The following PTPRN2 variants were observed in gnomAD, a reference collection of about 807,000 sequenced individuals.
PTPRN2 encodes the protein receptor-type tyrosine-protein phosphatase N2.
Under a neutral mutation model 118.8 loss-of-function variants are expected in PTPRN2, and 74 were observed. The observed-to-expected ratio is 0.62, with a 90% confidence interval of 0.52 to 0.76. PTPRN2 has a LOEUF of 0.76. Ranked by LOEUF, PTPRN2 falls within the 30% of genes least tolerant of loss-of-function variation. PTPRN2 has a pLI of 0.00. For synonymous variants in PTPRN2, 641 were observed against 608.0 expected (o/e 1.05, Z -0.80); for missense variants, 1,481 against 1,394.4 (o/e 1.06, Z -0.99).
intron 3 of PTPRN2, among the ~76,000 whole-genome samples, chr7:158,305,466 G>A (rs1031009496): frequency 2.0e-5 from 3 of 152,150 alleles, no homozygotes; most frequent in Admixed American, 1.3e-4. Flanking sequence ...TGGCAGCATT[G>A]TTTTTGGGTA....
chr7:157,698,959 A>T (rs1585260411), intron 12 of PTPRN2, among the ~76,000 whole-genome samples: 1 of 152,372 alleles, frequency 6.6e-6, no homozygotes, highest in African/African-American at 2.4e-5. Flanking sequence ...GAAAATGGCT[A>T]AATAGTGCCA....
chr7:158,547,226 C>T (rs1284329358), intron 1 of PTPRN2, among the ~76,000 whole-genome samples: 2 of 152,104 alleles, frequency 1.3e-5, no homozygotes, highest in African/African-American at 4.8e-5. Context: ...AATTCTGTGG[C>T]ATTCATTACA....
At chr7:157,886,643 C>T (rs940758156) in intron 12 of PTPRN2, among the ~76,000 whole-genome samples, 1 of 152,226 alleles carries the variant, frequency 6.6e-6, no homozygotes, top group Non-Finnish European at 1.5e-5. Flanking sequence ...GTCAATACGT[C>T]AAGTGCAGTT....
At chr7:158,552,894 A>C (rs1013149833) in intron 1 of PTPRN2, among the ~76,000 whole-genome samples, 1 of 152,228 alleles carries the variant, frequency 6.6e-6, no homozygotes, top group Non-Finnish European at 1.5e-5. Flanking sequence ...GTGTCTACAC[A>C]CTCAGGCTTA....
chr7:157,962,118 G>A (rs1585094866), intron 11 of PTPRN2, among the ~76,000 whole-genome samples: 1 of 152,274 alleles, frequency 6.6e-6, no homozygotes, highest in Non-Finnish European at 1.5e-5. Flanking sequence ...CAGTTTCAGT[G>A]AAGAAGAAAG....
At position 157,618,314 on chromosome 7, in the gene PTPRN2, G is replaced by A. The variant is rs1204672583; in HGVS notation, c.2344+3048C>T. ...GGTGGGAGCGGCAGGTGCAGAGGGA[G>A]GACTTGAAGGTTCCATCCCTAACAG... is the stretch of plus-strand genomic sequence containing the variant. On this transcript the variant is annotated intron_variant, in intron 15 of 22. Transcript: ENST00000389418. This position sits in a 1 kb window ranked among gnomAD's most constrained non-coding sequence, Gnocchi z 4.2. 1 of 152,350 alleles carries A rather than the reference G, an allele frequency of 6.6e-6. No individual in the cohort carries two copies. The highest frequency in any genetic ancestry group is 1.5e-5 in the Non-Finnish European group (1 of 68,112). The allele number at this position is 152,350 out of a possible 1,614,324, so 9.4% of individuals were successfully genotyped here.
rs138762322 is a variant in PTPRN2 at position 157,895,917 on chromosome 7, G to A, written c.1788+2756C>T. Among the ~76,000 whole-genome samples the A allele has an allele frequency of 2.8e-3, 424 of 152,284 alleles. 4 individuals are homozygous for A. Among genetic ancestry groups the A allele is most frequent in the African/African-American group, 9.4e-3 (392 of 41,562 alleles). On this transcript the variant is annotated intron_variant, in intron 12 of 22. Transcript: ENST00000389418. The stretch of plus-strand genomic sequence containing the variant: ...GACAACACAGGAAGCAGAGTCACAG[G>A]GTGAGCACAGAGACTGCAGGAGGCC...
chr7:158,080,314 C>CAAAAAAAAAAAAA (rs556546951), intron 11 of PTPRN2, among the ~76,000 whole-genome samples: 1 of 72,226 alleles, frequency 1.4e-5, no homozygotes, highest in African/African-American at 6.2e-5. Context: ...CAAATTTAAG[C>CAAAAAAAAAAAAA]AAAAAAAAAA....
In PTPRN2 at chr7:158,555,603, C is replaced by T. The variant is rs1350107047; in HGVS notation, c.112+31955G>A. 6.6e-6 allele frequency among the ~76,000 whole-genome samples: 1 copy of T among 152,220 alleles called. No homozygotes were observed. Among genetic ancestry groups the T allele is most frequent in the East Asian group, 1.9e-4 (1 of 5,198 alleles). On this transcript the variant is annotated intron_variant, in intron 1 of 22. Transcript: ENST00000389418. This position sits in a 1 kb window ranked among gnomAD's most constrained non-coding sequence, Gnocchi z 4.7. ...CTCAACTGGCATCTTCCAGCTGTCC[C>T]CCAGACCCAGCCTCCCTCAGCTCCC... is the stretch of plus-strand genomic sequence containing the variant.
At position 158,133,616 on chromosome 7, in the gene PTPRN2, C is replaced by G. The variant is rs1045931918; in HGVS notation, c.1556+61G>C. Reference sequence around the variant, plus strand: ...GCCACAGCAAGGAGGCGCCCCACCTCCAGCCTGCTGGGACAAGCCCTCCCT... The same window carrying G: ...GCCACAGCAAGGAGGCGCCCCACCTGCAGCCTGCTGGGACAAGCCCTCCCT... On this transcript the variant is annotated intron_variant, in intron 9 of 22. Coordinates refer to ENST00000389418, the MANE Select transcript of PTPRN2 (RefSeq NM_002847.5). The G allele has an allele frequency of 2.0e-6, 3 of 1,507,340 alleles. No individual in the cohort carries two copies. In the Admixed American group the frequency reaches 6.5e-5, roughly 33 times the overall value. 93.4% of individuals were successfully genotyped at this position (1,507,340 alleles called of 1,614,324 possible). A position where few individuals can be genotyped will look rare whatever the true frequency, so the allele number is the denominator to read the frequency against.
chr7:158,253,767 C>T (rs986972290), intron 3 of PTPRN2, among the ~76,000 whole-genome samples: 10 of 152,188 alleles, frequency 6.6e-5, no homozygotes, highest in Admixed American at 6.5e-5. Context: ...ATTAGAAGAG[C>T]GGAATAACTC....
At chr7:157,954,749 T>C (rs1801078168) in intron 11 of PTPRN2, among the ~76,000 whole-genome samples, 1 of 152,096 alleles carries the variant, frequency 6.6e-6, no homozygotes, top group South Asian at 2.1e-4. Flanking sequence ...GAAGTGGGGG[T>C]GGCCTCTCCC....
intron 2 of PTPRN2, among the ~76,000 whole-genome samples, chr7:158,431,604 C>T (rs952463299): frequency 3.5e-5 from 5 of 142,628 alleles, no homozygotes; most frequent in African/African-American, 1.3e-4. Context: ...CTCACACTGG[C>T]CACACACTGG....
chr7:158,165,610 C>T (rs1480575571), intron 6 of PTPRN2, among the ~76,000 whole-genome samples: 1 of 152,268 alleles, frequency 6.6e-6, no homozygotes, highest in Non-Finnish European at 1.5e-5. Flanking sequence ...CTCTCAGCGG[C>T]TCCCATTCAG....
At chr7:157,750,401 T>C (rs1049318414) in intron 12 of PTPRN2, among the ~76,000 whole-genome samples, 2 of 152,190 alleles carry the variant, frequency 1.3e-5, no homozygotes, top group African/African-American at 4.8e-5. Context: ...CTGCTACTAC[T>C]GCACAGGAAT....
At chr7:158,542,044 GAC>G (rs1347059622) in intron 1 of PTPRN2, among the ~76,000 whole-genome samples, 1 of 152,252 alleles carries the variant, frequency 6.6e-6, no homozygotes, top group African/African-American at 2.4e-5. Flanking sequence ...AGGAAGAAGA[GAC>G]AATGTGACTA....
intron 6 of PTPRN2, among the ~76,000 whole-genome samples, chr7:158,150,869 C>T (rs1038614811): frequency 6.6e-6 from 1 of 152,114 alleles, no homozygotes; most frequent in African/African-American, 2.4e-5. Context: ...GTTCTTCCAA[C>T]CCAACGTGCT....
intron 2 of PTPRN2, among the ~76,000 whole-genome samples, chr7:158,334,472 A>G: frequency 1.3e-5 from 1 of 78,278 alleles, no homozygotes; most frequent in Admixed American, 1.5e-4. Flanking sequence ...CATAGACGTC[A>G]CTCACACCCA....
At chr7:158,145,267 C>T (rs1471738184) in intron 6 of PTPRN2, among the ~76,000 whole-genome samples, 3 of 150,024 alleles carry the variant, frequency 2.0e-5, no homozygotes, top group African/African-American at 7.5e-5. Flanking sequence ...ACTTCCCTCA[C>T]ATCATCGCGA....
Sources: gnomAD v4.1 joint callset for allele counts (sites outside exome capture counted in the v4.1 genomes callset) on GRCh38, gnomAD v4.1.1 for gene constraint, Gnocchi (gnomAD v3.1) non-coding constraint, MANE v1.5 for transcripts, NCBI Gene and HGNC (gene_info 2026-07-23, HGNC 2026-07-21) for gene names.